The following RSPO2 variants were observed in gnomAD, a reference collection of about 807,000 sequenced individuals.
The protein encoded by RSPO2 is R-spondin-2.
In RSPO2, 14 loss-of-function variants were observed where a neutral mutation model predicts 30.9. The observed-to-expected ratio is 0.45, with a 90% CI of 0.30 to 0.71. The LOEUF (loss-of-function observed/expected upper bound fraction) is 0.71. Among genes scored for constraint, RSPO2 ranks in the 30% least tolerant of loss-of-function variants. The pLI, the probability that RSPO2 is intolerant of heterozygous loss-of-function variation, is 0.08. For missense variants in RSPO2, 264 were observed against 301.9 expected (o/e 0.87, Z 0.93); for synonymous variants, 107 against 96.4 (o/e 1.11, Z -0.64).
chr8:108,016,144 C>A (rs1487565696), intron 2 of RSPO2, among the ~76,000 whole-genome samples: 1 of 152,098 alleles, frequency 6.6e-6, no homozygotes. Context: ...CAGGACCATC[C>A]AAAATAGTCA....
chr8:107,982,009 C>CAAAAAAAAAAAAAAA (rs372977834), intron 3 of RSPO2, among the ~76,000 whole-genome samples: 100 of 55,050 alleles, frequency 1.8e-3, no homozygotes, highest in Admixed American at 2.3e-3. Context: ...ACAACAACAA[C>CAAAAAAAAAAAAAAA]AAAAAAAAAA....
At chr8:107,980,465 G>A (rs1814387246) in intron 3 of RSPO2, among the ~76,000 whole-genome samples, 1 of 152,062 alleles carries the variant, frequency 6.6e-6, no homozygotes, top group African/African-American at 2.4e-5. Flanking sequence ...AATATTATAG[G>A]CTTCTAAAAT....
At chr8:108,066,378 C>T (rs1004562129) in intron 2 of RSPO2, among the ~76,000 whole-genome samples, 4 of 152,146 alleles carry the variant, frequency 2.6e-5, no homozygotes, top group Non-Finnish European at 5.9e-5. Flanking sequence ...AAAACATTAT[C>T]AGAAGATGTC....
At chr8:108,030,257 C>T (rs1033056708) in intron 2 of RSPO2, among the ~76,000 whole-genome samples, 30 of 152,046 alleles carry the variant, frequency 2.0e-4, no homozygotes, top group African/African-American at 6.8e-4. Flanking sequence ...TGGAGAAACC[C>T]AAGCAGTATT....
At chr8:108,005,777 G>A (rs992357752) in intron 2 of RSPO2, among the ~76,000 whole-genome samples, 1 of 152,144 alleles carries the variant, frequency 6.6e-6, no homozygotes, top group African/African-American at 2.4e-5. Context: ...CACTACTTGG[G>A]TCTTGAAGAG....
chr8:108,008,998 G>C (rs941524347), intron 2 of RSPO2, among the ~76,000 whole-genome samples: 4 of 151,930 alleles, frequency 2.6e-5, no homozygotes, highest in Non-Finnish European at 5.9e-5. Context: ...AAATTAATTA[G>C]ACATGAAAAG....
intron 2 of RSPO2, among the ~76,000 whole-genome samples, chr8:108,081,471 T>C (rs34534221): frequency 0.013 from 1,906 of 152,252 alleles, 18 homozygotes; most frequent in Non-Finnish European, 0.02. Context: ...AAGTGCCGAA[T>C]GAAATAGACA....
chr8:108,060,963 C>A (rs533361758), intron 2 of RSPO2, among the ~76,000 whole-genome samples: 15 of 151,646 alleles, frequency 9.9e-5, no homozygotes, highest in Non-Finnish European at 1.8e-4. Context: ...GAAATAAAAT[C>A]CTTTACAGAC....
chr8:107,917,337 TAGCCG>T (rs1812013707), intron 5 of RSPO2, among the ~76,000 whole-genome samples: 1 of 151,898 alleles, frequency 6.6e-6, no homozygotes, highest in Admixed American at 6.6e-5. Context: ...ATACAAAAAT[TAGCCG>T]AGCATGGTGG....
chr8:108,057,942 C>T (rs909845896), intron 2 of RSPO2, among the ~76,000 whole-genome samples: 1 of 152,172 alleles, frequency 6.6e-6, no homozygotes, highest in Non-Finnish European at 1.5e-5. Context: ...TTGACTTCCT[C>T]TTTTCCTAAT....
intron 2 of RSPO2, among the ~76,000 whole-genome samples, chr8:108,060,463 C>CGAGAA (rs1378918816): frequency 6.6e-6 from 1 of 150,990 alleles, no homozygotes; most frequent in African/African-American, 2.5e-5. Context: ...TGAAATGAAG[C>CGAGAA]GAGAAGAGAA....
At chr8:107,985,766 A>T (rs1439295400) in intron 3 of RSPO2, among the ~76,000 whole-genome samples, 1 of 152,214 alleles carries the variant, frequency 6.6e-6, no homozygotes. Context: ...AACATCTAAC[A>T]TAGTATCAGG....
intron 2 of RSPO2, among the ~76,000 whole-genome samples, chr8:108,053,679 T>C (rs554886174): frequency 6.6e-6 from 1 of 152,314 alleles, no homozygotes; most frequent in African/African-American, 2.4e-5. Context: ...ATAAAAATGA[T>C]TTGACATGAC....
chr8:108,026,554 G>C (rs1811224491), intron 2 of RSPO2, among the ~76,000 whole-genome samples: 2 of 152,038 alleles, frequency 1.3e-5, no homozygotes. Flanking sequence ...ATATAATATA[G>C]CAAGTATGAA....
chr8:107,987,082 A>T (rs900916531), intron 3 of RSPO2, among the ~76,000 whole-genome samples: 1 of 152,096 alleles, frequency 6.6e-6, no homozygotes, highest in East Asian at 1.9e-4. Context: ...AATATTTCTA[A>T]CTCTGCTAAC....
At chr8:108,005,621 C>T (rs1815428558) in intron 2 of RSPO2, among the ~76,000 whole-genome samples, 1 of 152,048 alleles carries the variant, frequency 6.6e-6, no homozygotes, top group South Asian at 2.1e-4. Flanking sequence ...TTGTTTAATA[C>T]TCAGATTATT....
intron 2 of RSPO2, among the ~76,000 whole-genome samples, chr8:108,028,068 CAA>C (rs1357130554): frequency 6.6e-6 from 1 of 152,164 alleles, no homozygotes; most frequent in Admixed American, 6.5e-5. Flanking sequence ...GGCTGACGCT[CAA>C]GAGACCAACC....
chr8:107,923,426 AG>A (rs1812250427), intron 5 of RSPO2, among the ~76,000 whole-genome samples: 1 of 152,108 alleles, frequency 6.6e-6, no homozygotes, highest in South Asian at 2.1e-4. Flanking sequence ...ATCAGACGCT[AG>A]TGAGGTTGTG....
intron 5 of RSPO2, among the ~76,000 whole-genome samples, chr8:107,933,316 AAT>A (rs1215718492): frequency 6.6e-6 from 1 of 152,182 alleles, no homozygotes; most frequent in Non-Finnish European, 1.5e-5. Context: ...AGAACACAAA[AAT>A]AGTCAACTTT....
Sources: gnomAD v4.1 joint callset for allele counts (sites outside exome capture counted in the v4.1 genomes callset) on GRCh38, gnomAD v4.1.1 for gene constraint, MANE v1.5 for transcripts, NCBI Gene and HGNC (gene_info 2026-07-23, HGNC 2026-07-21) for gene names.